Variants in SPPL3 observed in about 807,000 individuals in gnomAD.
The protein encoded by SPPL3 is signal peptide peptidase like 3, also known as signal peptide peptidase-like 3.
In SPPL3, 5 loss-of-function variants were observed where a neutral mutation model predicts 42.4. The ratio of observed to expected loss-of-function variants is 0.12; its 90% CI spans 0.06 to 0.25. The LOEUF (loss-of-function observed/expected upper bound fraction) is 0.25. SPPL3 is among the 10% of genes least tolerant of loss of function. The pLI is 1.00. For missense variants in SPPL3, 235 were observed against 489.0 expected, an observed-to-expected ratio of 0.48 and a Z score of 4.90; for synonymous variants, 195 against 181.8, an observed-to-expected ratio of 1.07 and a Z score of -0.58.
intron 1 of SPPL3, among the ~76,000 whole-genome samples, chr12:120,854,725 G>A (rs991871649): frequency 6.6e-6 from 1 of 152,120 alleles, no homozygotes; most frequent in Non-Finnish European, 1.5e-5. Context: ...AAAGTCTAAG[G>A]AAGCATCATG....
At chr12:120,875,539 G>A (rs1873057547) in intron 1 of SPPL3, among the ~76,000 whole-genome samples, 1 of 151,150 alleles carries the variant, frequency 6.6e-6, no homozygotes, top group Non-Finnish European at 1.5e-5. Context: ...TGAGGCAGGA[G>A]AATTGTTTGA....
At chr12:120,818,237 C>A (rs773630741) in intron 1 of SPPL3, among the ~76,000 whole-genome samples, 12 of 152,294 alleles carry the variant, frequency 7.9e-5, no homozygotes, top group Non-Finnish European at 1.6e-4. Flanking sequence ...GCATTTGAGA[C>A]ACACCAAAAT....
rs552531174 is a variant in SPPL3, at chr12:120,809,842, A to T, written c.101+967T>A. On this transcript the variant is annotated intron_variant, in intron 2 of 10. Transcript: ENST00000353487. ...TGAAATTGTTTCTGTGGGCCAAAAT[A>T]TTAATAGTCAACCATCAGCAATTTT... Among the ~76,000 whole-genome samples, 4 of 152,356 alleles carry T rather than the reference A, an allele frequency of 2.6e-5. No homozygotes were observed. The East Asian group carries it at 7.7e-4, about 29-fold the overall frequency.
chr12:120,768,896 T>A, intron 7 of SPPL3, 57 bp downstream of exon 7: 1 of 1,453,884 alleles, frequency 6.9e-7, no homozygotes, highest in South Asian at 1.2e-5. Flanking sequence ...TTTTCAGGCA[T>A]GAATGCTTCA....
At chr12:120,818,764 T>C (rs1199195178) in intron 1 of SPPL3, among the ~76,000 whole-genome samples, 1 of 152,206 alleles carries the variant, frequency 6.6e-6, no homozygotes, top group Non-Finnish European at 1.5e-5. Flanking sequence ...CAAAGAGCTT[T>C]AGCACATGTG....
intron 1 of SPPL3, among the ~76,000 whole-genome samples, chr12:120,895,643 T>C (rs1593016183): frequency 6.6e-6 from 1 of 152,242 alleles, no homozygotes; most frequent in African/African-American, 2.4e-5. Context: ...AGGAACTCTA[T>C]CTGGAACCTA....
intron 2 of SPPL3, among the ~76,000 whole-genome samples, chr12:120,808,306 G>A (rs1371252057): frequency 1.3e-5 from 2 of 151,980 alleles, no homozygotes; most frequent in Non-Finnish European, 2.9e-5. Flanking sequence ...GAACTCCTGG[G>A]CTCAGGGCAT....
At chr12:120,802,347 G>A (rs1870329315) in intron 2 of SPPL3, among the ~76,000 whole-genome samples, 1 of 144,932 alleles carries the variant, frequency 6.9e-6, no homozygotes, top group South Asian at 2.1e-4. Flanking sequence ...ATGTATGTAT[G>A]TATGTATGTG....
chr12:120,789,824 C>CAAAAAAAAAAAAA lies in SPPL3; in HGVS notation c.190+1632_190+1644dup, dbSNP rs3050392. On this transcript the variant is annotated intron_variant, in intron 3 of 10. Transcript: ENST00000353487. ...TGAATGACAGAGCAAGACTCCGTCT[C>CAAAAAAAAAAAAA]AAAAAAAAAAAAAAAAAAAAAAAAA... 2.8e-3 allele frequency among the ~76,000 whole-genome samples: 85 copies of CAAAAAAAAAAAAA among 30,460 alleles called. 12 individuals carry two copies. In the East Asian group the frequency reaches 0.028, roughly 10 times the overall value. 20.0% of individuals were successfully genotyped at this position (30,460 alleles called of 152,430 possible). A position where few individuals can be genotyped will look rare whatever the true frequency, so the allele number is the denominator to read the frequency against.
In SPPL3 at chr12:120,903,738, C is replaced by T; in HGVS notation, c.23+107G>A. 2 of 672,804 alleles carry T rather than the reference C, an allele frequency of 3.0e-6. 1 individual carries two copies. The highest frequency in any genetic ancestry group is 8.7e-4 in the Middle Eastern group (2 of 2,300). The allele number at this position is 672,804 out of a possible 1,614,324, so 41.7% of individuals were successfully genotyped here. On this transcript the variant is annotated intron_variant, in intron 1 of 10. Coordinates refer to ENST00000353487, the MANE Select transcript of SPPL3 (RefSeq NM_139015.5). The stretch of plus-strand genomic sequence containing the variant: ...GGCGTGCACCCCAACCCGCGCCCCC[C>T]CCCCACGACACGCACCTGTTCTTCC...
At chr12:120,880,150 A>G (rs1873233934) in intron 1 of SPPL3, among the ~76,000 whole-genome samples, 1 of 152,036 alleles carries the variant, frequency 6.6e-6, no homozygotes, top group Non-Finnish European at 1.5e-5. Flanking sequence ...TGGGGCTGAG[A>G]CACATTATTG....
chr12:120,845,145 C>T (rs1054509896), intron 1 of SPPL3: 3 of 449,196 alleles, frequency 6.7e-6, no homozygotes, highest in African/African-American at 4.1e-5. Context: ...ACAGCCAGCC[C>T]AGTCCTTGAT....
intron 1 of SPPL3, among the ~76,000 whole-genome samples, chr12:120,842,628 C>T (rs1028810159): frequency 2.6e-5 from 4 of 151,922 alleles, no homozygotes; most frequent in Non-Finnish European, 4.4e-5. Context: ...TCTGCTTCAT[C>T]GATGGCAGGT....
chr12:120,879,573 A>T (rs1364897487), intron 1 of SPPL3, among the ~76,000 whole-genome samples: 1 of 152,130 alleles, frequency 6.6e-6, no homozygotes, highest in Non-Finnish European at 1.5e-5. Context: ...CATAGCTCAT[A>T]ATATGCTAAT....
At chr12:120,875,092 C>A (rs952718242) in intron 1 of SPPL3, among the ~76,000 whole-genome samples, 6 of 152,112 alleles carry the variant, frequency 3.9e-5, no homozygotes, top group African/African-American at 1.4e-4. Flanking sequence ...CTCCCAGCCC[C>A]CAGCTTTGAG....
chr12:120,776,084 G>A (rs1317051767), intron 6 of SPPL3, among the ~76,000 whole-genome samples: 1 of 152,176 alleles, frequency 6.6e-6, no homozygotes, highest in Non-Finnish European at 1.5e-5. Context: ...AGAAACAAAC[G>A]AAAAGCTCAA....
chr12:120,888,702 A>T, intron 1 of SPPL3, among the ~76,000 whole-genome samples: 1 of 152,224 alleles, frequency 6.6e-6, no homozygotes, highest in East Asian at 1.9e-4. Context: ...GGATGAAGAA[A>T]ATGTTATAAA....
rs146937516 is a variant in SPPL3 at position 120,788,131 on chromosome 12, C to T, written c.190+3338G>A. 2.6e-3 allele frequency among the ~76,000 whole-genome samples: 389 copies of T among 152,296 alleles called. 7 individuals are homozygous for T. Among genetic ancestry groups the T allele is most frequent in the Admixed American group, 0.021 (324 of 15,292 alleles). ...TGTGCTAACGCATGCTCTCCAGTAA[C>T]GCAAGAGGGCTCTTTGCTGTTGCTG... On this transcript the variant is annotated intron_variant, in intron 3 of 10. Coordinates refer to ENST00000353487, the MANE Select transcript of SPPL3 (RefSeq NM_139015.5).
intron 1 of SPPL3, among the ~76,000 whole-genome samples, chr12:120,879,773 AAAC>A (rs1231207581): frequency 6.6e-6 from 1 of 152,114 alleles, no homozygotes; most frequent in Non-Finnish European, 1.5e-5. Flanking sequence ...AAAATGGGAA[AAAC>A]ACCACCTACA....
Sources: gnomAD v4.1 joint callset for allele counts (sites outside exome capture counted in the v4.1 genomes callset) on GRCh38, gnomAD v4.1.1 for gene constraint, MANE v1.5 for transcripts, NCBI Gene and HGNC (gene_info 2026-07-23, HGNC 2026-07-21) for gene names.